LHX3: variants seen among roughly 807,000 people sequenced by gnomAD.
LHX3 encodes LIM homeobox 3, also known as LIM/homeobox protein Lhx3.
Under a neutral mutation model 32.4 loss-of-function variants are expected in LHX3, and 21 were observed. That is an observed-to-expected ratio of 0.65 (90% CI 0.46 to 0.93). LHX3 has a LOEUF of 0.93. Ranked by LOEUF, LHX3 falls within the 40% of genes least tolerant of loss-of-function variation. The pLI, the probability that LHX3 is intolerant of heterozygous loss-of-function variation, is 0.00. For synonymous variants in LHX3, 258 were observed against 246.8 expected, an observed-to-expected ratio of 1.05 and a Z score of -0.43; for missense variants, 626 against 560.0, an observed-to-expected ratio of 1.12 and a Z score of -1.19.
intron 1 of LHX3, chr9:136,201,757 C>T (rs1320965575): frequency 1.0e-6 from 1 of 953,964 alleles, no homozygotes; most frequent in African/African-American, 1.8e-5. Context: ...GGCGGGAAAC[C>T]GGCGATGAAT....
At chr9:136,199,092 C>A in intron 3 of LHX3, 33 bp from the exon 4 acceptor site, 2 of 1,316,550 alleles carry the variant, frequency 1.5e-6, no homozygotes, top group African/African-American at 1.6e-5. Context: ...GGCGCGGCAG[C>A]CCCTCCGGCC....
chr9:136,199,941 G>T, intron 2 of LHX3, 61 bp from the exon 3 acceptor site: 1 of 1,514,490 alleles, frequency 6.6e-7, no homozygotes, highest in Non-Finnish European at 8.9e-7. Context: ...GCCCCGAGCG[G>T]GTTGGAGAGA....
chr9:136,203,164 G>C (rs1831687107), intron 1 of LHX3: 2 of 1,297,464 alleles, frequency 1.5e-6, no homozygotes, highest in Non-Finnish European at 2.0e-6. Context: ...CTGCGCCCGC[G>C]GGCCGCCCTG....
intron 1 of LHX3, among the ~76,000 whole-genome samples, chr9:136,202,327 T>C (rs1235499232): frequency 2.6e-5 from 4 of 151,928 alleles, no homozygotes; most frequent in Non-Finnish European, 5.9e-5. Context: ...CGGCTCCAGC[T>C]GGCCCGGGAG....
intron 1 of LHX3, chr9:136,201,653 C>T: frequency 1.0e-6 from 1 of 990,604 alleles, no homozygotes; most frequent in Non-Finnish European, 1.2e-6. Context: ...TGGACCCCGC[C>T]GGCTCCAGCC....
chr9:136,201,032 C>A, intron 1 of LHX3: 1 of 1,013,204 alleles, frequency 9.9e-7, no homozygotes, highest in Non-Finnish European at 1.4e-6. Context: ...TTTCACGAGG[C>A]TGAATACTCA....
At chr9:136,203,254 G>C in intron 1 of LHX3, 1 of 495,216 alleles carries the variant, frequency 2.0e-6, no homozygotes, top group Non-Finnish European at 2.6e-6. Context: ...CGGGGGTCGC[G>C]GAGACCAGCC....
rs3215774 is a variant in LHX3, at chr9:136,198,619, T to TC, written c.775+32dup. On this transcript the variant is annotated intron_variant, in intron 5 of 5. Transcript: ENST00000371748. ...CTGCGACCCCGCCGACGCGCGCTCG[T>TC]CCCCCCCCGAGCTCCGCGATCCCTC... The TC allele has an allele frequency of 0.47, 709,860 of 1,517,212 alleles. 163,506 individuals are homozygous for TC. The highest frequency in any genetic ancestry group is 0.49 in the Non-Finnish European group (548,744 of 1,126,628). The allele number at this position is 1,517,212 out of a possible 1,614,324, so 94.0% of individuals were successfully genotyped here.
In LHX3 at chr9:136,204,921, TGCTGGG is replaced by T. The variant is rs1337220821; in HGVS notation, c.79+7_79+12del. ...CTTGCCGTTTCTGTCCTCAGTGTCCTGCTGGGGCTTACCCCGAGTCCCGCCCAAGGT... is the reference window on the plus strand; with the variant it reads ...CTTGCCGTTTCTGTCCTCAGTGTCCTGCTTACCCCGAGTCCCGCCCAAGGT... On this transcript the variant is annotated splice_region_variant and intron_variant, in intron 1 of 5. Transcript: ENST00000371748. 2.5e-6 allele frequency: 4 copies of T among 1,590,624 alleles called. No homozygotes were observed. The Admixed American group carries it at 6.9e-5, about 27-fold the overall frequency.
At position 136,199,029 on chromosome 9, in the gene LHX3, G is replaced by T. The variant is rs1252624644; in HGVS notation, c.485C>A (p.Thr162Lys). 3 of 1,580,036 alleles carry T rather than the reference G, an allele frequency of 1.9e-6. No individual in the cohort carries two copies. Among genetic ancestry groups the T allele is most frequent in the Non-Finnish European group, 2.6e-6 (3 of 1,168,886 alleles). The change falls in exon 4 of 6, where the codon ACG (threonine) becomes AAG (lysine). Residue 162 changes from threonine (T) to lysine (K), a missense_variant. By Grantham distance (78) the Thr-to-Lys change is moderately conservative (BLOSUM62 -1). Transcript: ENST00000371748. ...EAEATAKRPR[T>K]TITAKQLETL... ...CTCCAGCTGCTTGGCGGTGATGGTC[G>T]TGCGCGGCCGCTTGGCCGTGGCCTC...
chr9:136,204,926 G>T lies in LHX3; in HGVS notation c.79+8C>A. 1 of 1,593,690 alleles carries T rather than the reference G, an allele frequency of 6.3e-7. No homozygotes were observed. The highest frequency in any genetic ancestry group is 2.3e-5 in the East Asian group (1 of 44,020). On this transcript the variant is annotated splice_region_variant and intron_variant, in intron 1 of 5. Transcript: ENST00000371748. ...CGTTTCTGTCCTCAGTGTCCTGCTG[G>T]GGCTTACCCCGAGTCCCGCCCAAGG...
At chr9:136,198,494 C>A (rs1831548401) in intron 5 of LHX3, among the ~76,000 whole-genome samples, 158 bp downstream of exon 5, 1 of 152,158 alleles carries the variant, frequency 6.6e-6, no homozygotes, top group South Asian at 2.1e-4. Context: ...GGGGAGGGTG[C>A]TGGGGGAGCA....
At chr9:136,200,924 G>T (rs1831626594) in intron 1 of LHX3, among the ~76,000 whole-genome samples, 171 bp from the exon 2 acceptor site, 1 of 152,212 alleles carries the variant, frequency 6.6e-6, no homozygotes, top group Non-Finnish European at 1.5e-5. Flanking sequence ...GGCCCCGCAA[G>T]TTCCGGGAGT....
At chr9:136,201,852 G>A (rs1032880691) in intron 1 of LHX3, among the ~76,000 whole-genome samples, 3 of 152,208 alleles carry the variant, frequency 2.0e-5, no homozygotes, top group Non-Finnish European at 4.4e-5. Context: ...CGTGGGCAGC[G>A]ATCGCAGGCG....
In LHX3 at chr9:136,198,872, G is replaced by A. The variant is rs199580817; in HGVS notation, c.606+36C>T. The A allele has an allele frequency of 2.7e-4, 424 of 1,592,556 alleles. 1 individual carries two copies. Among genetic ancestry groups the A allele is most frequent in the Non-Finnish European group, 5.5e-5 (65 of 1,173,686 alleles). On this transcript the variant is annotated intron_variant, in intron 4 of 5. Transcript: ENST00000371748. ...GCCCGGCTCTGCGGGGGCCCCCAAG[G>A]CCGCGGGCGGGAGGGAAGCAGGGGC...
At chr9:136,198,841 GC>G (rs746756092) in intron 4 of LHX3, 21 bp from the exon 5 acceptor site, 2 of 1,599,392 alleles carry the variant, frequency 1.3e-6, no homozygotes, top group African/African-American at 2.7e-5. Context: ...GGCGGGGTGA[GC>G]GGCCGCCCGG....
intron 2 of LHX3, 36 bp from the exon 3 acceptor site, chr9:136,199,916 C>T (rs2131034916): frequency 6.5e-7 from 1 of 1,549,080 alleles, no homozygotes; most frequent in Non-Finnish European, 8.7e-7. Flanking sequence ...AGCGCGGAAG[C>T]GCGAGGCTCA....
At position 136,204,919 on chromosome 9, in the gene LHX3, C is replaced by G; in HGVS notation, c.79+15G>C. 6.3e-7 allele frequency: 1 copy of G among 1,589,302 alleles called. No homozygotes were observed. On this transcript the variant is annotated intron_variant, in intron 1 of 5. Transcript: ENST00000371748. ...CCCTTGCCGTTTCTGTCCTCAGTGT[C>G]CTGCTGGGGCTTACCCCGAGTCCCG... is the stretch of plus-strand genomic sequence containing the variant.
At position 136,199,156 on chromosome 9, in the gene LHX3, C is replaced by G. The variant is rs553463579; in HGVS notation, c.455-97G>C. Reference sequence around the variant, plus strand: ...GGCCGGCGCGGGGACGTCGGGGCCTCAGGTGCCCACCCCCATCCCGCCCCA... The same window carrying G: ...GGCCGGCGCGGGGACGTCGGGGCCTGAGGTGCCCACCCCCATCCCGCCCCA... On this transcript the variant is annotated intron_variant, in intron 3 of 5. Coordinates refer to ENST00000371748, the MANE Select transcript of LHX3 (RefSeq NM_178138.6). The G allele has an allele frequency of 0.028, 16,941 of 610,696 alleles. 305 individuals carry two copies. Among genetic ancestry groups the G allele is most frequent in the Non-Finnish European group, 0.032 (13,975 of 430,902 alleles). 37.8% of individuals were successfully genotyped at this position (610,696 alleles called of 1,614,324 possible).
Sources: gnomAD v4.1 joint callset for allele counts (sites outside exome capture counted in the v4.1 genomes callset) on GRCh38, gnomAD v4.1.1 for gene constraint, MANE v1.5 for transcripts, NCBI Gene and HGNC (gene_info 2026-07-23, HGNC 2026-07-21) for gene names.